Variants in LAMC1 observed in about 807,000 individuals in gnomAD.
LAMC1 encodes the protein laminin subunit gamma-1.
LAMC1 carries 38 observed loss-of-function variants against 173.6 expected under a neutral mutation model. The ratio of observed to expected loss-of-function variants is 0.22; its 90% CI spans 0.17 to 0.29. LAMC1 has a LOEUF of 0.29. LAMC1 is among the 10% of genes least tolerant of loss of function. The probability of loss-of-function intolerance (pLI) is 1.00; values close to 1 mark genes in which losing one functional copy is unlikely to be tolerated. For missense variants in LAMC1, 1,824 were observed against 2,051.8 expected, an observed-to-expected ratio of 0.89 and a Z score of 2.14; for synonymous variants, 746 against 749.1, an observed-to-expected ratio of 1.00 and a Z score of 0.07.
chr1:183,033,145 AAT>A (rs1653887321), intron 1 of LAMC1, among the ~76,000 whole-genome samples: 1 of 152,186 alleles, frequency 6.6e-6, no homozygotes, highest in Non-Finnish European at 1.5e-5. Context: ...CATCATCTAA[AAT>A]ATATTTCTCT....
Position 183,142,736 on chromosome 1 carries a change from C to A in LAMC1, c.4776C>A (p.Ile1592=). Reference sequence around the variant, plus strand: ...AGGACATTCGCAATCTGGAGGACATCAGGAAGACCTTACCATCTGGCTGCT... The same window carrying A: ...AGGACATTCGCAATCTGGAGGACATAAGGAAGACCTTACCATCTGGCTGCT... The part of the protein sequence containing the change: ...IMKDIRNLED[I]RKTLPSGCFN... Residue 1592 remains isoleucine, a synonymous_variant, in exon 28 of 28, where the codon ATC becomes ATA. Transcript: ENST00000258341. The A allele has an allele frequency of 6.2e-7, 1 of 1,613,982 alleles. No individual in the cohort carries two copies. The highest frequency in any genetic ancestry group is 8.5e-7 in the Non-Finnish European group (1 of 1,179,910).
At chr1:183,129,038 T>G (rs1036823251) in intron 18 of LAMC1, among the ~76,000 whole-genome samples, 1 of 151,646 alleles carries the variant, frequency 6.6e-6, no homozygotes, top group African/African-American at 2.4e-5. Flanking sequence ...TCTTAAAATA[T>G]TAAAATAGTT....
At chr1:183,121,669 C>A (rs906035891) in intron 11 of LAMC1, 54 bp from the exon 12 acceptor site, 8 of 1,487,376 alleles carry the variant, frequency 5.4e-6, no homozygotes, top group Middle Eastern at 2.4e-4. Flanking sequence ...TGACTTTACA[C>A]AAGGTTTGGA....
At chr1:183,076,527 G>A (rs1655123515) in intron 1 of LAMC1, among the ~76,000 whole-genome samples, 1 of 152,180 alleles carries the variant, frequency 6.6e-6, no homozygotes, top group Non-Finnish European at 1.5e-5. Flanking sequence ...CATCAGCCCA[G>A]GGGAGCAGTG....
At chr1:183,137,154 A>C (rs1459161212) in intron 25 of LAMC1, among the ~76,000 whole-genome samples, 1 of 152,188 alleles carries the variant, frequency 6.6e-6, no homozygotes, top group Non-Finnish European at 1.5e-5. Flanking sequence ...GGTATTTAAG[A>C]ATCAGAGAAA....
intron 1 of LAMC1, among the ~76,000 whole-genome samples, chr1:183,066,784 A>G (rs919305302): frequency 2.0e-5 from 3 of 152,178 alleles, no homozygotes; most frequent in African/African-American, 7.2e-5. Flanking sequence ...GGAGGGGAAC[A>G]TCACATACTG....
rs764132161 is a variant in LAMC1 at position 183,124,843 on chromosome 1, C to A, written c.2614C>A (p.Pro872Thr). Residue 872 changes from proline (P) to threonine (T), a missense_variant, in exon 14 of 28, where the codon CCC (proline) becomes ACC (threonine). Coordinates refer to ENST00000258341, the MANE Select transcript of LAMC1 (RefSeq NM_002293.4). ...GTGCAAAGACGGATTTTTTGGAAAT[C>A]CCCTGGCTCCCAATCCAGCAGACAA... is the stretch of plus-strand genomic sequence containing the variant. ...DRCKDGFFGNPLAPNPADKCK... is the reference protein window; with the variant it reads ...DRCKDGFFGNTLAPNPADKCK... The A allele has an allele frequency of 1.2e-6, 2 of 1,613,996 alleles. No homozygotes were observed. The highest frequency in any genetic ancestry group is 2.7e-5 in the African/African-American group (2 of 74,920).
chr1:183,024,177 G>T, intron 1 of LAMC1, 43 bp downstream of exon 1: 1 of 1,498,052 alleles, frequency 6.7e-7, no homozygotes, highest in Non-Finnish European at 9.0e-7. Context: ...CTCGCCAGCA[G>T]CCCAGCTCCC....
chr1:183,066,890 C>G (rs575220132), intron 1 of LAMC1, among the ~76,000 whole-genome samples: 114 of 152,218 alleles, frequency 7.5e-4, no homozygotes, highest in Admixed American at 1.4e-3. Flanking sequence ...TGCAGCAAAC[C>G]ACCATGCACA....
intron 1 of LAMC1, among the ~76,000 whole-genome samples, chr1:183,062,997 GT>G (rs772206233): frequency 6.6e-6 from 1 of 152,184 alleles, no homozygotes; most frequent in Non-Finnish European, 1.5e-5. Context: ...ATCATATTTA[GT>G]GACATCCACA....
intron 1 of LAMC1, among the ~76,000 whole-genome samples, chr1:183,025,809 A>G (rs913745782): frequency 1.3e-5 from 2 of 152,264 alleles, no homozygotes; most frequent in Non-Finnish European, 2.9e-5. Context: ...TCAATTGACA[A>G]TTACTGAACA....
chr1:183,050,441 CTGG>C (rs1170276761), intron 1 of LAMC1, among the ~76,000 whole-genome samples: 2 of 150,518 alleles, frequency 1.3e-5, no homozygotes, highest in Non-Finnish European at 3.0e-5. Flanking sequence ...GCTACCATGC[CTGG>C]CTAATTTTTT....
intron 1 of LAMC1, among the ~76,000 whole-genome samples, chr1:183,037,390 T>A (rs145110876): frequency 1.5e-3 from 223 of 152,336 alleles, no homozygotes; most frequent in African/African-American, 5.2e-3. Context: ...AAGATAAGGC[T>A]GCCTGGTCTG....
At chr1:183,114,829 A>ATCTCCACAT in intron 5 of LAMC1, 110 bp downstream of exon 5, 5 of 1,029,012 alleles carry the variant, frequency 4.9e-6, no homozygotes, top group Non-Finnish European at 5.7e-6. Flanking sequence ...AGATGTATAC[A>ATCTCCACAT]TTATTGTAAC....
intron 1 of LAMC1, among the ~76,000 whole-genome samples, chr1:183,071,190 T>G (rs1655003182): frequency 6.6e-6 from 1 of 151,752 alleles, no homozygotes; most frequent in Non-Finnish European, 1.5e-5. Context: ...TGTTGACAAC[T>G]TAGGAAATTG....
chr1:183,057,346 C>G (rs1192090490), intron 1 of LAMC1, among the ~76,000 whole-genome samples: 2 of 152,238 alleles, frequency 1.3e-5, no homozygotes, highest in African/African-American at 2.4e-5. Flanking sequence ...TTACCACTCC[C>G]TTTGCTATCT....
chr1:183,101,162 G>C (rs922255771), intron 1 of LAMC1, among the ~76,000 whole-genome samples: 1 of 152,080 alleles, frequency 6.6e-6, no homozygotes, highest in African/African-American at 2.4e-5. Flanking sequence ...AGAGAAAATA[G>C]AGAAAGAAGG....
At chr1:183,082,472 T>G (rs1156669998) in intron 1 of LAMC1, among the ~76,000 whole-genome samples, 1 of 152,158 alleles carries the variant, frequency 6.6e-6, no homozygotes, top group Non-Finnish European at 1.5e-5. Flanking sequence ...CAAAGGACCA[T>G]GAAGCACGGT....
At chr1:183,119,374 T>C (rs1341543395) in intron 11 of LAMC1, among the ~76,000 whole-genome samples, 1 of 152,014 alleles carries the variant, frequency 6.6e-6, no homozygotes, top group Non-Finnish European at 1.5e-5. Context: ...TTATAAGTAG[T>C]TAGAAATATG....
Sources: gnomAD v4.1 joint callset for allele counts (sites outside exome capture counted in the v4.1 genomes callset) on GRCh38, gnomAD v4.1.1 for gene constraint, MANE v1.5 for transcripts, NCBI Gene and HGNC (gene_info 2026-07-23, HGNC 2026-07-21) for gene names.